Variants in CHRM3 observed in about 807,000 individuals in gnomAD.
CHRM3 encodes the protein muscarinic acetylcholine receptor M3.
A neutral mutation model predicts 41.8 loss-of-function variants in CHRM3; 11 were observed. That is an observed-to-expected ratio of 0.26 (90% CI 0.17 to 0.44). The LOEUF is 0.44. CHRM3 is among the 20% of genes least tolerant of loss of function. The pLI, the probability that CHRM3 is intolerant of heterozygous loss-of-function variation, is 1.00. For missense variants in CHRM3, 571 were observed against 745.4 expected (o/e 0.77, Z 2.72); for synonymous variants, 297 against 301.4 (o/e 0.99, Z 0.15).
At position 239,388,111 on chromosome 1, in the gene CHRM3, T is replaced by G. The variant is rs905263738; in HGVS notation, c.-521+884T>G. 3.9e-5 allele frequency among the ~76,000 whole-genome samples: 6 copies of G among 152,132 alleles called. No individual in the cohort carries two copies. The East Asian group carries it at 1.2e-3, about 29-fold the overall frequency. ...TCTCCTTGCACGCATTTGGAAGTGG[T>G]AGAGGCAGCAGGGATTTGGGAACTG... On this transcript the variant is annotated intron_variant, in intron 1 of 6. Coordinates refer to ENST00000676153, the MANE Select transcript of CHRM3 (RefSeq NM_001375978.1).
chr1:239,721,369 C>T (rs563832278), intron 5 of CHRM3, among the ~76,000 whole-genome samples: 38 of 151,834 alleles, frequency 2.5e-4, no homozygotes, highest in Non-Finnish European at 4.9e-4. Context: ...AATCCCGGTA[C>T]TTCAGGATGG....
rs189218225 is a variant in CHRM3 at position 239,891,043 on chromosome 1, C to T, written c.-19-16390C>T. Among the ~76,000 whole-genome samples, 8 of 152,238 alleles carry T rather than the reference C, an allele frequency of 5.3e-5. No homozygotes were observed. In the East Asian group the frequency reaches 1.2e-3, roughly 22 times the overall value. ...TCTGCACTGGTGACCTAGGTGTACG[C>T]GGACAGTTTGCAATCAGGTGTACAT... On this transcript the variant is annotated intron_variant, in intron 6 of 6. Transcript: ENST00000676153.
chr1:239,683,579 G>A (rs1344057682), intron 5 of CHRM3, among the ~76,000 whole-genome samples: 1 of 152,052 alleles, frequency 6.6e-6, no homozygotes, highest in Non-Finnish European at 1.5e-5. Context: ...GATGTGCTAG[G>A]TCTAAAGATT....
At chr1:239,750,225 T>G (rs1462357350) in intron 5 of CHRM3, among the ~76,000 whole-genome samples, 1 of 152,150 alleles carries the variant, frequency 6.6e-6, no homozygotes, top group African/African-American at 2.4e-5. Context: ...TTAGTAAATG[T>G]GTGCAGAAGG....
chr1:239,790,531 C>T (rs1170578198), intron 5 of CHRM3, among the ~76,000 whole-genome samples: 2 of 152,180 alleles, frequency 1.3e-5, no homozygotes, highest in Non-Finnish European at 2.9e-5. Flanking sequence ...ACTCACCTTC[C>T]ACCATGATTG....
At chr1:239,619,674 A>G (rs1668139347) in intron 3 of CHRM3, among the ~76,000 whole-genome samples, 1 of 152,212 alleles carries the variant, frequency 6.6e-6, no homozygotes, top group African/African-American at 2.4e-5. Flanking sequence ...TCAAAACTAC[A>G]GGTACATTTT....
intron 1 of CHRM3, among the ~76,000 whole-genome samples, chr1:239,482,837 T>C (rs999839407): frequency 1.3e-5 from 2 of 152,234 alleles, no homozygotes; most frequent in Non-Finnish European, 2.9e-5. Context: ...GAATGAATAA[T>C]ATGATAAGAA....
chr1:239,808,317 C>T (rs1670827339), intron 5 of CHRM3, among the ~76,000 whole-genome samples: 1 of 152,068 alleles, frequency 6.6e-6, no homozygotes, highest in Admixed American at 6.6e-5. Context: ...AGCTCTGATA[C>T]CACTCAATAA....
chr1:239,599,600 C>T (rs551372790), intron 3 of CHRM3, among the ~76,000 whole-genome samples: 1 of 152,190 alleles, frequency 6.6e-6, no homozygotes, highest in Admixed American at 6.5e-5. Flanking sequence ...ACCCAGCTTT[C>T]CATGGGGCTA....
chr1:239,595,932 G>A (rs1489744551), intron 3 of CHRM3, among the ~76,000 whole-genome samples: 1 of 152,102 alleles, frequency 6.6e-6, no homozygotes, highest in Non-Finnish European at 1.5e-5. Flanking sequence ...TTAGAAGACA[G>A]AACCTTGCCT....
intron 1 of CHRM3, among the ~76,000 whole-genome samples, chr1:239,446,457 G>T (rs552052597): frequency 6.6e-6 from 1 of 152,274 alleles, no homozygotes; most frequent in South Asian, 2.1e-4. Flanking sequence ...TCATAGATTA[G>T]TGATCAATGT....
intron 3 of CHRM3, among the ~76,000 whole-genome samples, chr1:239,630,284 G>A (rs2148864202): frequency 6.6e-6 from 1 of 152,312 alleles, no homozygotes; most frequent in African/African-American, 2.4e-5. Flanking sequence ...ATTTCAACAT[G>A]TAGGCAATGT....
intron 5 of CHRM3, among the ~76,000 whole-genome samples, chr1:239,756,222 A>G (rs1042627666): frequency 6.6e-6 from 1 of 152,158 alleles, no homozygotes; most frequent in African/African-American, 2.4e-5. Context: ...CAATCTCACT[A>G]TAACGTACAG....
chr1:239,665,164 GAAAA>G (rs56144752), intron 4 of CHRM3, among the ~76,000 whole-genome samples: 4 of 119,464 alleles, frequency 3.3e-5, no homozygotes, highest in Non-Finnish European at 3.5e-5. Context: ...GTTTTTCTCT[GAAAA>G]AAAAAAAAAA....
At chr1:239,656,313 TAATAA>T (rs1308457622) in intron 4 of CHRM3, among the ~76,000 whole-genome samples, 2 of 137,778 alleles carry the variant, frequency 1.5e-5, no homozygotes, top group African/African-American at 5.2e-5. Context: ...TAAAATTGTT[TAATAA>T]AATATTTTTT....
chr1:239,676,151 T>G (rs779491035), intron 4 of CHRM3, among the ~76,000 whole-genome samples: 14 of 152,292 alleles, frequency 9.2e-5, no homozygotes, highest in Non-Finnish European at 1.6e-4. Context: ...TCAAAGACCC[T>G]TGCCCCAGAC....
chr1:239,556,231 G>A (rs1393326953), intron 3 of CHRM3, among the ~76,000 whole-genome samples: 1 of 152,088 alleles, frequency 6.6e-6, no homozygotes, highest in African/African-American at 2.4e-5. Flanking sequence ...CCCAAATCAA[G>A]ATTATTCAAT....
intron 2 of CHRM3, among the ~76,000 whole-genome samples, chr1:239,530,046 C>T (rs922853967): frequency 2.6e-5 from 4 of 151,916 alleles, no homozygotes; most frequent in South Asian, 2.1e-4. Flanking sequence ...TGCAGGTGCC[C>T]GCCACCATGC....
At chr1:239,533,439 G>A (rs1657860243) in intron 2 of CHRM3, among the ~76,000 whole-genome samples, 1 of 151,904 alleles carries the variant, frequency 6.6e-6, no homozygotes, top group African/African-American at 2.4e-5. Flanking sequence ...GAACAAAGTG[G>A]GAAAAGCCCC....
Sources: allele counts gnomAD v4.1 joint callset (sites outside exome capture counted in the v4.1 genomes callset), GRCh38; gene constraint gnomAD v4.1.1; transcripts MANE v1.5; gene names NCBI Gene and HGNC (gene_info 2026-07-23, HGNC 2026-07-21).